Variants in NBAS observed in about 807,000 individuals in gnomAD.
The protein encoded by NBAS is NAG/BC035112 fusion.
A neutral mutation model predicts 302.5 loss-of-function variants in NBAS; 219 were observed. The observed-to-expected ratio is 0.72, with a 90% CI of 0.65 to 0.81. The LOEUF is 0.81. Ranked by LOEUF, NBAS falls within the 30% of genes least tolerant of loss-of-function variation. NBAS has a pLI of 0.00. For missense variants in NBAS, 2,932 were observed against 2,841.6 expected, an observed-to-expected ratio of 1.03 and a Z score of -0.72; for synonymous variants, 1,118 against 1,021.6, an observed-to-expected ratio of 1.09 and a Z score of -1.80.
At chr2:14,857,657 A>T in the NBAS span, among the ~76,000 whole-genome samples, 1 of 152,190 alleles carries the variant, frequency 6.6e-6, no homozygotes, top group African/African-American at 2.4e-5. Flanking sequence ...TTCTTGCTAT[A>T]TATAAAAATC....
At chr2:15,462,072 G>A (rs564253294) in intron 19 of NBAS, among the ~76,000 whole-genome samples, 1 of 152,222 alleles carries the variant, frequency 6.6e-6, no homozygotes, top group Admixed American at 6.5e-5. Flanking sequence ...CAACCACCAG[G>A]TAAAAATAAG....
chr2:15,251,852 T>C (rs1668379845), intron 44 of NBAS, among the ~76,000 whole-genome samples: 1 of 152,174 alleles, frequency 6.6e-6, no homozygotes, highest in Non-Finnish European at 1.5e-5. Flanking sequence ...TTAGATTGCC[T>C]TAACCTCCTG....
At chr2:15,360,648 C>A (rs62119535) in intron 32 of NBAS, among the ~76,000 whole-genome samples, 2 of 81,350 alleles carry the variant, frequency 2.5e-5, no homozygotes, top group African/African-American at 8.1e-5. Flanking sequence ...CCATGACCAG[C>A]CTTTTTTTTT....
chr2:14,927,663 C>T, the NBAS span, among the ~76,000 whole-genome samples: 378 of 152,322 alleles, frequency 2.5e-3, no homozygotes, highest in Non-Finnish European at 4.0e-3. Context: ...GCACTGCATT[C>T]CCACTAGCAA....
intron 28 of NBAS, among the ~76,000 whole-genome samples, chr2:15,388,122 T>C (rs751222063): frequency 3.3e-5 from 5 of 152,364 alleles, no homozygotes; most frequent in Middle Eastern, 3.4e-3. Flanking sequence ...ACCTTTCCAC[T>C]ATTGATTCTT....
the NBAS span, among the ~76,000 whole-genome samples, chr2:14,934,714 T>A: frequency 6.6e-6 from 1 of 152,224 alleles, no homozygotes. Context: ...GTAATTTTTC[T>A]CATATAGAAT....
chr2:14,989,632 T>C, the NBAS span, among the ~76,000 whole-genome samples: 1 of 152,146 alleles, frequency 6.6e-6, no homozygotes, highest in Admixed American at 6.5e-5. Flanking sequence ...GTAGAATGAA[T>C]GGCATAAATT....
chr2:15,396,550 T>C (rs913634306), intron 26 of NBAS, 75 bp from the exon 27 acceptor site: 4 of 1,009,156 alleles, frequency 4.0e-6, no homozygotes, highest in African/African-American at 3.3e-5. Context: ...CAAAACTTAA[T>C]GAAGTGAAAA....
intron 12 of NBAS, among the ~76,000 whole-genome samples, chr2:15,479,378 T>A (rs1680329555): frequency 6.6e-6 from 1 of 152,206 alleles, no homozygotes; most frequent in Non-Finnish European, 1.5e-5. Flanking sequence ...CTTTATTTGG[T>A]CATTTTAAAG....
rs3792575 is a variant in NBAS, at chr2:15,279,059, G to A, written c.5139-1958C>T. Among the ~76,000 whole-genome samples, 139 of 152,266 alleles carry A rather than the reference G, an allele frequency of 9.1e-4. 1 individual carries two copies. The East Asian group carries it at 0.026, about 28-fold the overall frequency. On this transcript the variant is annotated intron_variant, in intron 42 of 51. Coordinates refer to ENST00000281513, the MANE Select transcript of NBAS (RefSeq NM_015909.4). ...TGGGACAGTGAATCACAGAATTTCT[G>A]ATGTTCCTTCATAATTTGCAAAATG...
the NBAS span, among the ~76,000 whole-genome samples, chr2:14,900,963 G>A: frequency 1.3e-5 from 2 of 152,258 alleles, no homozygotes; most frequent in East Asian, 1.9e-4. Flanking sequence ...ATATGGCTAC[G>A]GGGGTAGTGG....
chr2:15,459,142 C>G (rs1337372759), intron 21 of NBAS, among the ~76,000 whole-genome samples: 3 of 152,100 alleles, frequency 2.0e-5, no homozygotes, highest in South Asian at 4.1e-4. Flanking sequence ...AAATCAAATG[C>G]TTATCTAAGC....
the NBAS span, among the ~76,000 whole-genome samples, chr2:14,956,926 T>C: frequency 6.6e-6 from 1 of 152,146 alleles, no homozygotes; most frequent in Non-Finnish European, 1.5e-5. Context: ...TGCAAAGTGA[T>C]CTTATTTGCA....
chr2:15,386,144 G>T (rs944238987), intron 28 of NBAS, among the ~76,000 whole-genome samples: 61 of 152,148 alleles, frequency 4.0e-4, no homozygotes, highest in African/African-American at 1.4e-3. Context: ...ATCTAGAAGG[G>T]AACTTAAGGC....
At chr2:15,104,124 G>C in the NBAS span, among the ~76,000 whole-genome samples, 1 of 152,150 alleles carries the variant, frequency 6.6e-6, no homozygotes, top group Non-Finnish European at 1.5e-5. Context: ...TTTTGTGGTA[G>C]TGAATAAGTC....
intron 44 of NBAS, among the ~76,000 whole-genome samples, chr2:15,269,981 C>G (rs1225208325): frequency 6.6e-6 from 1 of 152,156 alleles, no homozygotes; most frequent in African/African-American, 2.4e-5. Context: ...GCAACCAAAA[C>G]AACAACAGAC....
At chr2:14,874,497 G>A in the NBAS span, among the ~76,000 whole-genome samples, 1 of 150,640 alleles carries the variant, frequency 6.6e-6, no homozygotes, top group Non-Finnish European at 1.5e-5. Context: ...AAAATGAGCC[G>A]GGCATGGTGG....
At chr2:14,923,751 T>G in the NBAS span, among the ~76,000 whole-genome samples, 1 of 152,078 alleles carries the variant, frequency 6.6e-6, no homozygotes, top group South Asian at 2.1e-4. Context: ...AGAAGTGATT[T>G]TTAGGCTGAG....
At chr2:14,997,493 T>C in the NBAS span, among the ~76,000 whole-genome samples, 2 of 151,332 alleles carry the variant, frequency 1.3e-5, no homozygotes, top group African/African-American at 4.9e-5. Flanking sequence ...TTTATTGAGG[T>C]ATAACTGACA....
Sources: allele counts gnomAD v4.1 joint callset (sites outside exome capture counted in the v4.1 genomes callset), GRCh38; gene constraint gnomAD v4.1.1; transcripts MANE v1.5; gene names NCBI Gene and HGNC (gene_info 2026-07-23, HGNC 2026-07-21).